Variants in ZNF843 observed in about 807,000 individuals in gnomAD.
ZNF843 encodes zinc finger protein 843.
For synonymous variants in ZNF843, 185 were observed against 207.7 expected (o/e 0.89, Z 0.94); for missense variants, 482 against 469.4 (o/e 1.03, Z -0.25).
At chr16:31,441,871 A>G (rs945418525) in intron 1 of ZNF843, among the ~76,000 whole-genome samples, 2 of 152,172 alleles carry the variant, frequency 1.3e-5, no homozygotes, top group African/African-American at 4.8e-5. Flanking sequence ...TCACAAGATA[A>G]ATTTTAACCT....
intron 1 of ZNF843, among the ~76,000 whole-genome samples, chr16:31,438,298 T>C (rs2082190229): frequency 6.6e-6 from 1 of 152,210 alleles, no homozygotes; most frequent in Admixed American, 6.5e-5. Flanking sequence ...ACAAAGATAA[T>C]TAACTGATTG....
rs1361926780 is a variant in ZNF843, at chr16:31,436,771, T to C, written c.79A>G (p.Thr27Ala). ...CACTTGCAGGGCTGACGGCCCTGGG[T>C]GAATCTGCCGGTGCTGCAGCAGGTA... ...APTCCSTGRF[T>A]QGRQPCKCKA... The change falls in exon 2 of 2, where the codon ACC becomes GCC. Residue 27 changes from threonine to alanine, a missense_variant. Coordinates refer to ENST00000315678, the MANE Select transcript of ZNF843 (RefSeq NM_001136509.3). 1 of 1,551,804 alleles carries C rather than the reference T, an allele frequency of 6.4e-7. No homozygotes were observed. The highest frequency in any genetic ancestry group is 8.7e-7 in the Non-Finnish European group (1 of 1,147,050).
intron 1 of ZNF843, among the ~76,000 whole-genome samples, chr16:31,441,909 C>G (rs2082202334): frequency 6.6e-6 from 1 of 152,224 alleles, no homozygotes; most frequent in South Asian, 2.1e-4. Context: ...TTAAGAGTAT[C>G]TGCTAAGTTC....
chr16:31,438,634 C>A (rs1332026914), intron 1 of ZNF843, among the ~76,000 whole-genome samples: 1 of 152,080 alleles, frequency 6.6e-6, no homozygotes, highest in Non-Finnish European at 1.5e-5. Context: ...CAGGACCTGA[C>A]CTCCCACTGA....
chr16:31,439,603 T>C (rs2082194637), intron 1 of ZNF843, among the ~76,000 whole-genome samples: 2 of 152,210 alleles, frequency 1.3e-5, no homozygotes, highest in South Asian at 4.1e-4. Flanking sequence ...CTCAAAATTA[T>C]GTTAAACCAG....
intron 1 of ZNF843, among the ~76,000 whole-genome samples, chr16:31,438,670 C>T (rs1248947633): frequency 6.6e-6 from 1 of 152,092 alleles, no homozygotes; most frequent in African/African-American, 2.4e-5. Flanking sequence ...AGCATGCTGC[C>T]ACCCAGTTAT....
intron 1 of ZNF843, among the ~76,000 whole-genome samples, chr16:31,437,769 C>T (rs1474637933): frequency 2.0e-5 from 3 of 151,710 alleles, no homozygotes; most frequent in East Asian, 1.9e-4. Context: ...GGATTACAGG[C>T]GCCTGCCACC....
At chr16:31,441,264 C>G (rs1221931740) in intron 1 of ZNF843, among the ~76,000 whole-genome samples, 1 of 152,220 alleles carries the variant, frequency 6.6e-6, no homozygotes, top group Non-Finnish European at 1.5e-5. Context: ...CTACCTTCCT[C>G]AGGGGTTAAA....
In ZNF843 at chr16:31,435,712, G is replaced by T; in HGVS notation, c.*91C>A. 1 of 1,256,488 alleles carries T rather than the reference G, an allele frequency of 8.0e-7. No individual in the cohort carries two copies. Among genetic ancestry groups the T allele is most frequent in the South Asian group, 1.8e-5 (1 of 56,566 alleles). 77.8% of individuals were successfully genotyped at this position (1,256,488 alleles called of 1,614,324 possible). On this transcript the variant is annotated 3_prime_UTR_variant, in exon 2 of 2. Coordinates refer to ENST00000315678, the MANE Select transcript of ZNF843 (RefSeq NM_001136509.3). ...GCCATACAGAAAAGCCGTCCTGAGC[G>T]GGTCTGTGTGGAGGGAGGGGACTGC...
At position 31,442,788 on chromosome 16, in the gene ZNF843, C is replaced by A. The variant is rs1362813838; in HGVS notation, c.-488G>T. 6.6e-6 allele frequency: 1 copy of A among 152,212 alleles called. No individual in the cohort carries two copies. Among genetic ancestry groups the A allele is most frequent in the Admixed American group, 6.5e-5 (1 of 15,286 alleles). The allele number at this position is 152,212 out of a possible 1,614,324, so 9.4% of individuals were successfully genotyped here. ...TCCGGGAAGGGGACGTGGCGAGGAC[C>A]CGGCAGCCGCGGGGCCTGTGGGGAA... On this transcript the variant is annotated 5_prime_UTR_variant, in exon 1 of 2. Transcript: ENST00000315678.
chr16:31,438,755 T>G (rs2082191921), intron 1 of ZNF843, among the ~76,000 whole-genome samples: 1 of 152,076 alleles, frequency 6.6e-6, no homozygotes, highest in Non-Finnish European at 1.5e-5. Context: ...CTAATTTCAC[T>G]TTTGTTGGTG....
At position 31,435,740 on chromosome 16, in the gene ZNF843, C is replaced by A; in HGVS notation, c.*63G>T. 1.4e-6 allele frequency: 2 copies of A among 1,411,040 alleles called. No individual in the cohort carries two copies. The highest frequency in any genetic ancestry group is 1.9e-6 in the Non-Finnish European group (2 of 1,071,582). 87.4% of individuals were successfully genotyped at this position (1,411,040 alleles called of 1,614,324 possible). ...TCTGTGTGGAGGGAGGGGACTGCATCTCAGATCCACAGTCCACCGGCGGCT... is the reference window on the plus strand; with the variant it reads ...TCTGTGTGGAGGGAGGGGACTGCATATCAGATCCACAGTCCACCGGCGGCT... On this transcript the variant is annotated 3_prime_UTR_variant, in exon 2 of 2. Coordinates refer to ENST00000315678, the MANE Select transcript of ZNF843 (RefSeq NM_001136509.3).
rs2082179536 is a variant in ZNF843, at chr16:31,436,148, T to C, written c.702A>G (p.Pro234=). 1 of 1,547,084 alleles carries C rather than the reference T, an allele frequency of 6.5e-7. No homozygotes were observed. The highest frequency in any genetic ancestry group is 8.7e-7 in the Non-Finnish European group (1 of 1,144,814). ...GPPLSLQPLV[P]SGLPAVPAVP... is the part of the protein sequence containing the mutation. ...CTGCAGGCACTGCGGGAAGGCCGGA[T>C]GGAACCAGAGGCTGGAGACTGAGTG... Residue 234 remains proline (P), a synonymous_variant, in exon 2 of 2, where the codon CCA becomes CCG. Transcript: ENST00000315678.
intron 1 of ZNF843, among the ~76,000 whole-genome samples, chr16:31,438,734 AT>A (rs1467582903): frequency 2.0e-5 from 3 of 152,096 alleles, no homozygotes; most frequent in Non-Finnish European, 4.4e-5. Context: ...ATGCCAAAAA[AT>A]CACTGACTCC....
Position 31,435,870 on chromosome 16 carries a change from C to G in ZNF843, c.980G>C (p.Arg327Thr). 6.5e-7 allele frequency: 1 copy of G among 1,528,342 alleles called. No individual in the cohort carries two copies. The highest frequency in any genetic ancestry group is 8.8e-7 in the Non-Finnish European group (1 of 1,136,408). The allele number at this position is 1,528,342 out of a possible 1,614,324, so 94.7% of individuals were successfully genotyped here. Residue 327 changes from arginine to threonine, a missense_variant, in exon 2 of 2, where the codon AGA becomes ACA. Coordinates refer to ENST00000315678, the MANE Select transcript of ZNF843 (RefSeq NM_001136509.3). Reference protein sequence around the residue: ...APPPPSNPHWRGALPVFPVWK... With the variant: ...APPPPSNPHWTGALPVFPVWK... ...CACCGGAAACACTGGTAGGGCTCCT[C>G]TCCAGTGTGGGTTCGAGGGCGGTGG...
intron 1 of ZNF843, among the ~76,000 whole-genome samples, chr16:31,442,301 TTTTATTTATTTA>T (rs144027321): frequency 7.4e-5 from 11 of 149,634 alleles, no homozygotes; most frequent in Admixed American, 2.7e-4. Flanking sequence ...CTTCGCTCGA[TTTTATTTATTTA>T]TTTATTTATT....
At chr16:31,440,898 C>T (rs1345068499) in intron 1 of ZNF843, among the ~76,000 whole-genome samples, 1 of 152,206 alleles carries the variant, frequency 6.6e-6, no homozygotes, top group Non-Finnish European at 1.5e-5. Context: ...TTAAAAGTAC[C>T]ACAGGCTGCC....
chr16:31,436,939 A>G lies in ZNF843; in HGVS notation c.-90T>C. Reference sequence around the variant, plus strand: ...CAGCTGTGGGGCCTCTGCCGCACTCAGGCTTCCCGTGGCCACGAGCTCACA... The same window carrying G: ...CAGCTGTGGGGCCTCTGCCGCACTCGGGCTTCCCGTGGCCACGAGCTCACA... On this transcript the variant is annotated 5_prime_UTR_variant, in exon 2 of 2. Transcript: ENST00000315678. The G allele has an allele frequency of 7.8e-7, 1 of 1,290,212 alleles. No homozygotes were observed. The highest frequency in any genetic ancestry group is 1.0e-6 in the Non-Finnish European group (1 of 953,302). 79.9% of individuals were successfully genotyped at this position (1,290,212 alleles called of 1,614,324 possible).
chr16:31,436,212 G>A lies in ZNF843; in HGVS notation c.638C>T (p.Thr213Ile). Residue 213 changes from threonine to isoleucine, a missense_variant, in exon 2 of 2, where the codon ACA becomes ATA. By Grantham distance (89) the Thr-to-Ile change is moderately conservative. Transcript: ENST00000315678. Reference protein sequence around the residue: ...GSFLQHLPPSTLLPRPPFLYP... With the variant: ...GSFLQHLPPSILLPRPPFLYP... ...AAGGAAGGGAGGTCGGGGCAGGAGT[G>A]TGGATGGGGGCAGATGTTGAAGGAA... 6.5e-7 allele frequency: 1 copy of A among 1,537,812 alleles called. No homozygotes were observed. Among genetic ancestry groups the A allele is most frequent in the Non-Finnish European group, 8.8e-7 (1 of 1,139,742 alleles).
Sources: gnomAD v4.1 joint callset for allele counts (sites outside exome capture counted in the v4.1 genomes callset) on GRCh38, gnomAD v4.1.1 for gene constraint, MANE v1.5 for transcripts, NCBI Gene and HGNC (gene_info 2026-07-23, HGNC 2026-07-21) for gene names.